Variants in ABTB3 observed in about 807,000 individuals in gnomAD.
The protein encoded by ABTB3 is ankyrin repeat and BTB domain containing 3, also known as ankyrin repeat- and BTB/POZ domain-containing protein 3.
the ABTB3 span, among the ~76,000 whole-genome samples, chr12:107,625,257 C>T: frequency 6.6e-6 from 1 of 152,168 alleles, no homozygotes; most frequent in East Asian, 1.9e-4. Flanking sequence ...ATGTGGTTTG[C>T]AAATATTTTC....
chr12:107,404,605 G>C, the ABTB3 span, among the ~76,000 whole-genome samples: 4 of 152,184 alleles, frequency 2.6e-5, no homozygotes, highest in Non-Finnish European at 5.9e-5. Flanking sequence ...CGAATGACTT[G>C]CTGGATTTGG....
At chr12:107,567,791 T>G in the ABTB3 span, among the ~76,000 whole-genome samples, 6 of 152,210 alleles carry the variant, frequency 3.9e-5, no homozygotes, top group African/African-American at 1.4e-4. Flanking sequence ...CTTATGAGAA[T>G]CTAATGCCTG....
chr12:107,367,240 A>C, the ABTB3 span, among the ~76,000 whole-genome samples: 1 of 152,172 alleles, frequency 6.6e-6, no homozygotes, highest in South Asian at 2.1e-4. Context: ...GTAACCATAG[A>C]GATTGTGAAG....
the ABTB3 span, among the ~76,000 whole-genome samples, chr12:107,494,910 C>G: frequency 6.6e-6 from 1 of 152,328 alleles, no homozygotes; most frequent in East Asian, 1.9e-4. Flanking sequence ...TGCAGTCCCC[C>G]TGGAGCCTGC....
At chr12:107,653,528 AAG>A in the ABTB3 span, among the ~76,000 whole-genome samples, 1,362 of 145,666 alleles carry the variant, frequency 9.4e-3, 22 homozygotes, top group African/African-American at 0.031. Flanking sequence ...AAAAAAAAAA[AAG>A]AAAGAAAGAA....
the ABTB3 span, among the ~76,000 whole-genome samples, chr12:107,333,581 A>G: frequency 1.3e-5 from 2 of 152,324 alleles, no homozygotes; most frequent in East Asian, 3.9e-4. Context: ...AGGTTCTCAG[A>G]ATTGTTTTGA....
the ABTB3 span, among the ~76,000 whole-genome samples, chr12:107,496,857 G>C: frequency 6.6e-6 from 1 of 152,106 alleles, no homozygotes; most frequent in African/African-American, 2.4e-5. Context: ...CCTGGCTGTA[G>C]AGCCCATCTA....
At chr12:107,642,245 T>C in the ABTB3 span, 1 of 1,398,202 alleles carries the variant, frequency 7.2e-7, no homozygotes, top group Non-Finnish European at 1.0e-6. Context: ...ATCCTCAGCC[T>C]GAGGATTGGC....
the ABTB3 span, among the ~76,000 whole-genome samples, chr12:107,594,783 G>A: frequency 1.4e-4 from 22 of 152,138 alleles, 1 homozygote; most frequent in East Asian, 2.9e-3. Context: ...TTCTGAAGGC[G>A]CCATTTTATT....
the ABTB3 span, among the ~76,000 whole-genome samples, chr12:107,463,915 C>G: frequency 6.6e-6 from 1 of 152,212 alleles, no homozygotes; most frequent in Non-Finnish European, 1.5e-5. Flanking sequence ...GCCACCAACT[C>G]TCTGTGGGAC....
the ABTB3 span, among the ~76,000 whole-genome samples, chr12:107,441,210 C>A: frequency 6.6e-6 from 1 of 152,240 alleles, no homozygotes; most frequent in East Asian, 1.9e-4. Context: ...GGAATCAACC[C>A]AAATGCCCAT....
the ABTB3 span, chr12:107,635,447 G>C: frequency 6.6e-7 from 1 of 1,507,268 alleles, no homozygotes. Context: ...AGGACGAGGA[G>C]CCAAAGAATG....
the ABTB3 span, among the ~76,000 whole-genome samples, chr12:107,572,591 A>G: frequency 1.3e-5 from 2 of 152,168 alleles, no homozygotes; most frequent in Non-Finnish European, 2.9e-5. Flanking sequence ...AGTTTTGCTC[A>G]CATCCTATTT....
At chr12:107,526,232 G>A in the ABTB3 span, among the ~76,000 whole-genome samples, 1 of 152,104 alleles carries the variant, frequency 6.6e-6, no homozygotes, top group African/African-American at 2.4e-5. Flanking sequence ...AACCTATGCC[G>A]GTTCTAAAAT....
the ABTB3 span, among the ~76,000 whole-genome samples, chr12:107,520,873 C>T: frequency 5.3e-5 from 8 of 152,202 alleles, no homozygotes; most frequent in Non-Finnish European, 1.5e-5. Flanking sequence ...GGTTCCTAAG[C>T]TTTTCTGAAC....
At chr12:107,455,348 T>C in the ABTB3 span, among the ~76,000 whole-genome samples, 846 of 152,334 alleles carry the variant, frequency 5.6e-3, 7 homozygotes, top group Middle Eastern at 0.027. Flanking sequence ...CTTTCATATC[T>C]CTGTGCTGTC....
the ABTB3 span, among the ~76,000 whole-genome samples, chr12:107,652,947 T>C: frequency 6.6e-6 from 1 of 152,318 alleles, no homozygotes; most frequent in African/African-American, 2.4e-5. Flanking sequence ...GTTTCACTCT[T>C]GTTGCCCAGG....
chr12:107,567,518 T>C, the ABTB3 span, among the ~76,000 whole-genome samples: 8 of 152,250 alleles, frequency 5.3e-5, no homozygotes, highest in Non-Finnish European at 8.8e-5. Flanking sequence ...TACAGTCACA[T>C]GTTATTCAGG....
the ABTB3 span, among the ~76,000 whole-genome samples, chr12:107,465,784 C>T: frequency 6.6e-6 from 1 of 152,170 alleles, no homozygotes; most frequent in Non-Finnish European, 1.5e-5. Flanking sequence ...CCAGGCCTAA[C>T]ATCCCTGACT....
Sources: gnomAD v4.1 joint callset for allele counts (sites outside exome capture counted in the v4.1 genomes callset) on GRCh38, gnomAD v4.1.1 for gene constraint, MANE v1.5 for transcripts, NCBI Gene and HGNC (gene_info 2026-07-23, HGNC 2026-07-21) for gene names.